The following DTNB variants were observed in gnomAD, a reference collection of about 807,000 sequenced individuals.
DTNB encodes the protein DTN-B.
In DTNB, 63 loss-of-function variants were observed where a neutral mutation model predicts 90.7. That is an observed-to-expected ratio of 0.69 (90% CI 0.57 to 0.86). The LOEUF (loss-of-function observed/expected upper bound fraction) is 0.86, where lower values mean the gene tolerates loss of function less well. Among genes scored for constraint, DTNB ranks in the 40% least tolerant of loss-of-function variants. The pLI is 0.00. For synonymous variants in DTNB, 277 were observed against 286.7 expected (o/e 0.97, Z 0.34); for missense variants, 744 against 807.1 (o/e 0.92, Z 0.95).
chr2:25,460,025 T>C (rs2060689699), intron 10 of DTNB, among the ~76,000 whole-genome samples: 1 of 152,136 alleles, frequency 6.6e-6, no homozygotes, highest in East Asian at 1.9e-4. Context: ...AGAAAACAAC[T>C]GCAATCTTCC....
intron 2 of DTNB, among the ~76,000 whole-genome samples, chr2:25,641,883 C>T (rs192794589): frequency 2.2e-3 from 341 of 152,204 alleles, no homozygotes; most frequent in African/African-American, 7.7e-3. Flanking sequence ...TGCAGTAGCA[C>T]GGTCTCGGCT....
chr2:25,484,857 T>C (rs988626580), intron 9 of DTNB, among the ~76,000 whole-genome samples: 2 of 152,246 alleles, frequency 1.3e-5, no homozygotes, highest in Admixed American at 6.5e-5. Context: ...CTATTAATGC[T>C]AGTGGCTGTG....
intron 16 of DTNB, among the ~76,000 whole-genome samples, chr2:25,411,643 C>A (rs762579419): frequency 2.0e-5 from 3 of 152,164 alleles, no homozygotes; most frequent in African/African-American, 7.2e-5. Flanking sequence ...ACATCTGTAC[C>A]ATTTGCCAAC....
At chr2:25,595,937 T>G in intron 6 of DTNB, 149 bp downstream of exon 6, 1 of 476,980 alleles carries the variant, frequency 2.1e-6, no homozygotes, top group Non-Finnish European at 2.7e-6. Context: ...CCCCCCGCTT[T>G]TATTCATCCA....
intron 16 of DTNB, among the ~76,000 whole-genome samples, chr2:25,416,202 C>T (rs2047880550): frequency 6.6e-6 from 1 of 152,194 alleles, no homozygotes; most frequent in African/African-American, 2.4e-5. Flanking sequence ...CATTTGGTGT[C>T]AGAGTGTTAT....
At position 25,455,426 on chromosome 2, in the gene DTNB, G is replaced by T; in HGVS notation, c.1148C>A (p.Ala383Asp). 1 of 1,602,818 alleles carries T rather than the reference G, an allele frequency of 6.2e-7. No homozygotes were observed. The highest frequency in any genetic ancestry group is 1.7e-5 in the Admixed American group (1 of 58,410). Residue 383 changes from alanine (A) to aspartate (D), a missense_variant, in exon 11 of 21, where the codon GCC becomes GAC. Transcript: ENST00000406818. ...TGACCGTGCACAGTGCTGCAGACGG[G>T]CCACATAGGAGGCTATCAGCGCATG... ...DEHALIASYV[A>D]RLQHCARVLD...
intron 6 of DTNB, among the ~76,000 whole-genome samples, chr2:25,588,994 G>A (rs7577722): frequency 0.034 from 5,170 of 152,218 alleles, 291 homozygotes; most frequent in African/African-American, 0.11. Context: ...CACCTGCCAG[G>A]CAATGCTTGC....
In DTNB at chr2:25,411,283, C is replaced by T. The variant is rs1362472532; in HGVS notation, c.1575+8232G>A. Among the ~76,000 whole-genome samples the T allele has an allele frequency of 5.9e-5, 9 of 151,486 alleles. No homozygotes were observed. In the South Asian group the frequency reaches 1.3e-3, roughly 21 times the overall value. ...CTGAGGCAGGAGAGTCACTTGAACC[C>T]GGGATGCAGAGGTTGCAGTGAGCTG... On this transcript the variant is annotated intron_variant, in intron 16 of 20. Coordinates refer to ENST00000406818, the MANE Select transcript of DTNB (RefSeq NM_021907.5).
At chr2:25,448,903 T>A (rs182656609) in intron 12 of DTNB, among the ~76,000 whole-genome samples, 5 of 148,944 alleles carry the variant, frequency 3.4e-5, no homozygotes, top group African/African-American at 1.2e-4. Flanking sequence ...TTTTGACAAA[T>A]GTACACTCCT....
At chr2:25,490,102 C>T (rs1195355860) in intron 9 of DTNB, among the ~76,000 whole-genome samples, 1 of 152,112 alleles carries the variant, frequency 6.6e-6, no homozygotes, top group Non-Finnish European at 1.5e-5. Flanking sequence ...ATGGCAAGAC[C>T]CCATCTCTAC....
intron 1 of DTNB, among the ~76,000 whole-genome samples, chr2:25,667,821 T>A (rs2084843538): frequency 6.6e-6 from 1 of 152,240 alleles, no homozygotes; most frequent in Non-Finnish European, 1.5e-5. Context: ...TGCACACGGA[T>A]GTTTATAGCA....
intron 8 of DTNB, among the ~76,000 whole-genome samples, chr2:25,555,192 G>A (rs989504605): frequency 6.6e-6 from 1 of 151,024 alleles, no homozygotes; most frequent in Non-Finnish European, 1.5e-5. Flanking sequence ...CTGGGAGGCT[G>A]AGGCAGGAGA....
intron 6 of DTNB, among the ~76,000 whole-genome samples, chr2:25,590,443 G>T (rs551204370): frequency 1.1e-4 from 17 of 152,194 alleles, no homozygotes; most frequent in Non-Finnish European, 1.3e-4. Context: ...TCCACAGCCA[G>T]GGTGTCCTGA....
intron 8 of DTNB, among the ~76,000 whole-genome samples, chr2:25,553,852 T>C (rs2056821201): frequency 1.3e-5 from 2 of 151,510 alleles, no homozygotes. Context: ...AAGAAGCCAC[T>C]GTTATTCCAA....
At chr2:25,480,252 C>T (rs115930144) in intron 10 of DTNB, among the ~76,000 whole-genome samples, 216 of 152,274 alleles carry the variant, frequency 1.4e-3, no homozygotes, top group African/African-American at 4.9e-3. Flanking sequence ...CTTAATCAAT[C>T]GGAGCTCAAC....
At chr2:25,432,206 TACAC>T (rs60610400) in intron 14 of DTNB, among the ~76,000 whole-genome samples, 7,665 of 146,264 alleles carry the variant, frequency 0.052, 237 homozygotes, top group Non-Finnish European at 0.067. Context: ...GAAGAGTGCG[TACAC>T]ACACACACAC....
intron 4 of DTNB, among the ~76,000 whole-genome samples, chr2:25,618,885 C>T (rs1277298604): frequency 6.6e-6 from 1 of 152,126 alleles, no homozygotes; most frequent in Non-Finnish European, 1.5e-5. Context: ...GAGTTATTAT[C>T]CAACACTGAG....
At chr2:25,589,487 T>C (rs2063146432) in intron 6 of DTNB, among the ~76,000 whole-genome samples, 1 of 144,882 alleles carries the variant, frequency 6.9e-6, no homozygotes, top group South Asian at 2.3e-4. Flanking sequence ...TTCAAGCAAT[T>C]CTCCTATCTC....
intron 16 of DTNB, among the ~76,000 whole-genome samples, chr2:25,402,517 T>C (rs2043990298): frequency 6.6e-6 from 1 of 151,534 alleles, no homozygotes; most frequent in Non-Finnish European, 1.5e-5. Context: ...ACTTGGCTTC[T>C]AGACACTGGA....
Sources: allele counts gnomAD v4.1 joint callset (sites outside exome capture counted in the v4.1 genomes callset), GRCh38; gene constraint gnomAD v4.1.1; transcripts MANE v1.5; gene names NCBI Gene and HGNC (gene_info 2026-07-23, HGNC 2026-07-21).